The following FARP1 variants were observed in gnomAD, a reference collection of about 807,000 sequenced individuals.
FARP1 encodes the protein FERM, ARH/RhoGEF and pleckstrin domain protein 1, also known as FERM, ARHGEF and pleckstrin domain-containing protein 1.
FARP1 carries 52 observed loss-of-function variants against 128.8 expected under a neutral mutation model. The ratio of observed to expected loss-of-function variants is 0.40; its 90% CI spans 0.32 to 0.51. The LOEUF is 0.51. FARP1 is among the 20% of genes least tolerant of loss of function. FARP1 has a pLI of 0.45. For missense variants in FARP1, 1,333 were observed against 1,367.9 expected, an observed-to-expected ratio of 0.97 and a Z score of 0.40; for synonymous variants, 580 against 551.8, an observed-to-expected ratio of 1.05 and a Z score of -0.72.
intron 2 of FARP1, among the ~76,000 whole-genome samples, chr13:98,301,137 G>GC (rs1420212720): frequency 1.3e-5 from 2 of 152,166 alleles, no homozygotes; most frequent in African/African-American, 4.8e-5. Flanking sequence ...AGTCCACCCT[G>GC]CCCCCAACAA....
At chr13:98,151,917 C>T (rs1266680993) in intron 1 of FARP1, among the ~76,000 whole-genome samples, 1 of 151,742 alleles carries the variant, frequency 6.6e-6, no homozygotes, top group Non-Finnish European at 1.5e-5. Context: ...CCACCTCGGC[C>T]TCCCAAAGTG....
Position 98,412,049 on chromosome 13 carries a change from A to G in FARP1, c.1826+15A>G, listed in dbSNP as rs1462411281. 6.2e-7 allele frequency: 1 copy of G among 1,611,246 alleles called. No homozygotes were observed. Among genetic ancestry groups the G allele is most frequent in the East Asian group, 2.2e-5 (1 of 44,694 alleles). On this transcript the variant is annotated intron_variant, in intron 16 of 26. Coordinates refer to ENST00000319562, the MANE Select transcript of FARP1 (RefSeq NM_005766.4). ...CTTGCCCTGTGGTGAGTACATTTCT[A>G]CTTCCCAGCTACGTTCCTCCCTCCG...
chr13:98,429,278 C>G (rs954132761), intron 17 of FARP1, among the ~76,000 whole-genome samples: 2 of 152,162 alleles, frequency 1.3e-5, no homozygotes, highest in Non-Finnish European at 2.9e-5. Context: ...TCACTGTGTG[C>G]AGAGTCTCTG....
intron 1 of FARP1, among the ~76,000 whole-genome samples, chr13:98,151,089 T>C (rs955534247): frequency 6.6e-6 from 1 of 151,560 alleles, no homozygotes; most frequent in African/African-American, 2.4e-5. Context: ...AGTAGCTTGA[T>C]GAAATCTCTT....
chr13:98,292,102 A>G (rs987676609), intron 2 of FARP1, among the ~76,000 whole-genome samples: 5 of 152,356 alleles, frequency 3.3e-5, no homozygotes, highest in African/African-American at 1.2e-4. Flanking sequence ...TCCTGCTCTT[A>G]ACAAAGTATA....
chr13:98,420,455 C>G (rs1178474139), intron 16 of FARP1, among the ~76,000 whole-genome samples: 1 of 152,168 alleles, frequency 6.6e-6, no homozygotes, highest in African/African-American at 2.4e-5. Flanking sequence ...GAATGACTGA[C>G]CAGCTCACGT....
intron 1 of FARP1, among the ~76,000 whole-genome samples, chr13:98,174,971 G>A (rs1056987024): frequency 8.5e-5 from 13 of 152,132 alleles, no homozygotes; most frequent in African/African-American, 2.4e-4. Flanking sequence ...GGCCATGGTG[G>A]TGGGTGGGTC....
chr13:98,238,949 T>C (rs973316824), intron 2 of FARP1, among the ~76,000 whole-genome samples: 5 of 152,226 alleles, frequency 3.3e-5, no homozygotes. Flanking sequence ...GGTAGCAAAA[T>C]AACTAACCCA....
intron 2 of FARP1, among the ~76,000 whole-genome samples, chr13:98,279,144 G>C (rs935971698): frequency 1.4e-4 from 21 of 152,022 alleles, no homozygotes; most frequent in African/African-American, 4.8e-4. Flanking sequence ...CCATTTTAAT[G>C]TTTTTTAATC....
chr13:98,426,538 A>G (rs1891795287), intron 17 of FARP1, among the ~76,000 whole-genome samples: 1 of 152,180 alleles, frequency 6.6e-6, no homozygotes. Context: ...GGGAGAGACA[A>G]GAGGAGGATG....
chr13:98,198,720 T>C (rs1879735616), intron 1 of FARP1, among the ~76,000 whole-genome samples: 4 of 151,232 alleles, frequency 2.6e-5, no homozygotes, highest in Admixed American at 2.6e-4. Context: ...CTACTAAAAA[T>C]AGAAAAGATT....
At chr13:98,410,940 G>A (rs1196298714) in intron 15 of FARP1, 117 bp downstream of exon 15, 1 of 549,110 alleles carries the variant, frequency 1.8e-6, no homozygotes, top group Non-Finnish European at 3.4e-6. Flanking sequence ...CAGTTGAAAG[G>A]ATTGTGGTCC....
chr13:98,188,868 T>G (rs1403820720), intron 1 of FARP1, among the ~76,000 whole-genome samples: 1 of 152,242 alleles, frequency 6.6e-6, no homozygotes, highest in Non-Finnish European at 1.5e-5. Context: ...CCCAGGCTCC[T>G]TTCTGTCATT....
chr13:98,418,113 G>T (rs1891456153), intron 16 of FARP1, among the ~76,000 whole-genome samples: 1 of 152,136 alleles, frequency 6.6e-6, no homozygotes, highest in Admixed American at 6.5e-5. Flanking sequence ...GCAGTGGTAT[G>T]ATCATAGATA....
At chr13:98,356,841 G>A (rs1888665551) in intron 3 of FARP1, among the ~76,000 whole-genome samples, 1 of 151,798 alleles carries the variant, frequency 6.6e-6, no homozygotes, top group Non-Finnish European at 1.5e-5. Context: ...CACCATGTTG[G>A]CCAGGCTGGT....
chr13:98,364,189 T>C (rs545871388), intron 3 of FARP1, among the ~76,000 whole-genome samples: 1 of 152,328 alleles, frequency 6.6e-6, no homozygotes, highest in African/African-American at 2.4e-5. Context: ...TTTCCCAAAG[T>C]GAAATGACTG....
intron 2 of FARP1, among the ~76,000 whole-genome samples, chr13:98,291,565 A>C (rs1370849808): frequency 6.6e-6 from 1 of 152,296 alleles, no homozygotes; most frequent in Middle Eastern, 3.4e-3. Flanking sequence ...CAAACCTGCA[A>C]AGGAACTATC....
At chr13:98,423,154 C>T (rs1330021781) in intron 16 of FARP1, among the ~76,000 whole-genome samples, 1 of 152,144 alleles carries the variant, frequency 6.6e-6, no homozygotes, top group Non-Finnish European at 1.5e-5. Flanking sequence ...CGCTGGCAGC[C>T]GATTAGGTTG....
At chr13:98,358,273 C>T (rs182095599) in intron 3 of FARP1, among the ~76,000 whole-genome samples, 8 of 152,120 alleles carry the variant, frequency 5.3e-5, no homozygotes, top group Admixed American at 5.2e-4. Context: ...TTCCTCCTTC[C>T]TACACCAGAG....
Sources: gnomAD v4.1 joint callset for allele counts (sites outside exome capture counted in the v4.1 genomes callset) on GRCh38, gnomAD v4.1.1 for gene constraint, MANE v1.5 for transcripts, NCBI Gene and HGNC (gene_info 2026-07-23, HGNC 2026-07-21) for gene names.